Variants in COL19A1 observed in about 807,000 individuals in gnomAD.
COL19A1 encodes collagen alpha-1(XIX) chain.
Under a neutral mutation model 190.2 loss-of-function variants are expected in COL19A1, and 159 were observed. That is an observed-to-expected ratio of 0.84 (90% CI 0.73 to 0.95). COL19A1 has a LOEUF of 0.95. COL19A1 is among the 40% of genes least tolerant of loss of function. COL19A1 has a pLI of 0.00. For missense variants in COL19A1, 1,418 were observed against 1,431.9 expected, an observed-to-expected ratio of 0.99 and a Z score of 0.16; for synonymous variants, 509 against 458.9, an observed-to-expected ratio of 1.11 and a Z score of -1.39.
At chr6:70,004,745 G>T (rs1202205019) in intron 11 of COL19A1, among the ~76,000 whole-genome samples, 1 of 151,764 alleles carries the variant, frequency 6.6e-6, no homozygotes, top group Non-Finnish European at 1.5e-5. Context: ...CTCTAAACTG[G>T]TTATTCTAGT....
intron 2 of COL19A1, among the ~76,000 whole-genome samples, chr6:69,896,708 G>A (rs1474221189): frequency 3.9e-5 from 6 of 152,198 alleles, no homozygotes; most frequent in Non-Finnish European, 8.8e-5. Context: ...ATATCTCACT[G>A]TGGTTTCACT....
chr6:69,969,423 A>C (rs1380324770), intron 11 of COL19A1, among the ~76,000 whole-genome samples: 1 of 152,004 alleles, frequency 6.6e-6, no homozygotes, highest in Non-Finnish European at 1.5e-5. Flanking sequence ...TTTTTGTCTT[A>C]GTTGATCTTA....
chr6:70,131,237 G>C (rs1318394559), intron 18 of COL19A1: 1 of 241,368 alleles, frequency 4.1e-6, no homozygotes, highest in African/African-American at 2.3e-5. Context: ...GAGGGAATGT[G>C]GCCTGTGAGT....
chr6:70,013,539 G>A (rs1290278408), intron 11 of COL19A1, among the ~76,000 whole-genome samples: 3 of 46,420 alleles, frequency 6.5e-5, no homozygotes, highest in South Asian at 1.3e-3. Flanking sequence ...TATCACCACC[G>A]ATCCCACAGA....
intron 4 of COL19A1, among the ~76,000 whole-genome samples, chr6:69,920,603 T>C (rs374501255): frequency 6.6e-6 from 1 of 152,182 alleles, no homozygotes; most frequent in Non-Finnish European, 1.5e-5. Context: ...GACTGTATGA[T>C]GTTTAGTTAG....
At chr6:70,137,309 G>T (rs758536950) in intron 18 of COL19A1, among the ~76,000 whole-genome samples, 2 of 152,014 alleles carry the variant, frequency 1.3e-5, no homozygotes, top group Non-Finnish European at 2.9e-5. Context: ...CTGGATTATT[G>T]TGCCAGTTAA....
intron 14 of COL19A1, among the ~76,000 whole-genome samples, chr6:70,066,824 T>C (rs754722041): frequency 3.9e-5 from 6 of 152,104 alleles, no homozygotes; most frequent in Non-Finnish European, 7.4e-5. Flanking sequence ...TTTACATTTA[T>C]TTGCATTTGT....
chr6:69,991,166 T>C (rs1186177575), intron 11 of COL19A1, among the ~76,000 whole-genome samples: 4 of 152,152 alleles, frequency 2.6e-5, no homozygotes, highest in Non-Finnish European at 5.9e-5. Flanking sequence ...GTTCCTATGT[T>C]AATTCACTTA....
chr6:70,137,871 A>AT (rs1785970611), intron 19 of COL19A1, 124 bp downstream of exon 19: 1 of 825,722 alleles, frequency 1.2e-6, no homozygotes, highest in South Asian at 1.6e-5. Context: ...AACAGATCAG[A>AT]TCTTCAAGCA....
At chr6:70,023,819 C>T (rs1778582813) in intron 12 of COL19A1, 139 bp downstream of exon 12, 8 of 682,278 alleles carry the variant, frequency 1.2e-5, no homozygotes, top group Non-Finnish European at 1.9e-5. Flanking sequence ...GGTGTTCTTT[C>T]ACATGGCTCA....
intron 2 of COL19A1, among the ~76,000 whole-genome samples, chr6:69,889,024 A>T (rs1396410864): frequency 2.0e-5 from 3 of 152,196 alleles, no homozygotes; most frequent in Non-Finnish European, 4.4e-5. Context: ...AGCCTTTTTT[A>T]AAAAATGCAA....
chr6:70,019,178 C>A (rs1326615712), intron 11 of COL19A1, among the ~76,000 whole-genome samples: 1 of 152,010 alleles, frequency 6.6e-6, no homozygotes, highest in African/African-American at 2.4e-5. Context: ...AGATGGAGTT[C>A]TTTGATTGTA....
chr6:70,190,435 C>A, intron 48 of COL19A1, 54 bp downstream of exon 48: 2 of 1,171,354 alleles, frequency 1.7e-6, no homozygotes, highest in Non-Finnish European at 2.5e-6. Context: ...CACCTCCCAC[C>A]TACTATGGGG....
At chr6:70,027,430 AGACT>A (rs1419671804) in intron 12 of COL19A1, among the ~76,000 whole-genome samples, 1 of 152,160 alleles carries the variant, frequency 6.6e-6, no homozygotes, top group Non-Finnish European at 1.5e-5. Context: ...TTTTCAAGTC[AGACT>A]GTCTTGCAAG....
At chr6:69,947,821 G>A (rs1773909202) in intron 9 of COL19A1, among the ~76,000 whole-genome samples, 1 of 151,694 alleles carries the variant, frequency 6.6e-6, no homozygotes, top group African/African-American at 2.4e-5. Flanking sequence ...AAATTATTCA[G>A]TCTGATATGC....
intron 11 of COL19A1, among the ~76,000 whole-genome samples, chr6:69,969,061 A>G (rs1775276151): frequency 6.6e-6 from 1 of 152,170 alleles, no homozygotes; most frequent in Non-Finnish European, 1.5e-5. Flanking sequence ...TTCCTCTTTT[A>G]TAAAATAAAG....
At chr6:69,929,342 G>A (rs992450618) in intron 5 of COL19A1, 83 bp from the exon 6 acceptor site, 9 of 1,313,362 alleles carry the variant, frequency 6.9e-6, no homozygotes, top group Non-Finnish European at 9.4e-6. Flanking sequence ...ATACTAATAT[G>A]CATCTTGAGC....
chr6:69,921,396 ATAT>A (rs1459085621), intron 4 of COL19A1, among the ~76,000 whole-genome samples: 4 of 71,812 alleles, frequency 5.6e-5, no homozygotes, highest in African/African-American at 8.3e-5. Flanking sequence ...CATATATATC[ATAT>A]ATCATATATA....
At chr6:70,150,827 A>G (rs937981652) in intron 30 of COL19A1, among the ~76,000 whole-genome samples, 1 of 152,126 alleles carries the variant, frequency 6.6e-6, no homozygotes, top group Non-Finnish European at 1.5e-5. Context: ...ATCTTGCAAA[A>G]ATGTTACTTG....
Sources: allele counts gnomAD v4.1 joint callset (sites outside exome capture counted in the v4.1 genomes callset), GRCh38; gene constraint gnomAD v4.1.1; transcripts MANE v1.5; gene names NCBI Gene and HGNC (gene_info 2026-07-23, HGNC 2026-07-21).